Variants in H3-3B observed in about 807,000 individuals in gnomAD.
The protein encoded by H3-3B is histone H3.3.
A neutral mutation model predicts 13.1 loss-of-function variants in H3-3B; 2 were observed. The observed-to-expected ratio is 0.15, with a 90% CI of 0.06 to 0.48. The LOEUF (loss-of-function observed/expected upper bound fraction) is 0.48, where lower values mean the gene tolerates loss of function less well. Among genes scored for constraint, H3-3B ranks in the 20% least tolerant of loss-of-function variants. H3-3B has a pLI of 0.97. For missense variants in H3-3B, 39 were observed against 186.0 expected, an observed-to-expected ratio of 0.21 and a Z score of 4.60; for synonymous variants, 133 against 75.8, an observed-to-expected ratio of 1.76 and a Z score of -3.92.
Position 75,778,590 on chromosome 17 carries a change from T to C in H3-3B, c.*5A>G, listed in dbSNP as rs755819816. The C allele has an allele frequency of 4.4e-6, 7 of 1,607,922 alleles. No homozygotes were observed. The highest frequency in any genetic ancestry group is 5.9e-6 in the Non-Finnish European group (7 of 1,177,684). On this transcript the variant is annotated 3_prime_UTR_variant, in exon 4 of 4. Coordinates refer to ENST00000254810, the MANE Select transcript of H3-3B (RefSeq NM_005324.5). Reference sequence around the variant, plus strand: ...ACTACAAAACGCCATAAAAACTGCCTTCACTTAAGCTCTCTCTCCCCGTAT... The same window carrying C: ...ACTACAAAACGCCATAAAAACTGCCCTCACTTAAGCTCTCTCTCCCCGTAT...
chr17:75,779,297 C>CCCCA, intron 1 of H3-3B, 113 bp from the exon 2 acceptor site: 1 of 1,185,472 alleles, frequency 8.4e-7, no homozygotes, highest in Non-Finnish European at 1.1e-6. Flanking sequence ...CCTCCCCGCG[C>CCCCA]CCCACCTCGC....
In H3-3B at chr17:75,777,293, CAG is replaced by C. The variant is rs2061642974; in HGVS notation, c.*1300_*1301del. ...GCACTATTATGGCATCTTAATCAAG[CAG>C]AGAGCTGTTCACATGCTTTCTACAG... On this transcript the variant is annotated 3_prime_UTR_variant, in exon 4 of 4. Coordinates refer to ENST00000254810, the MANE Select transcript of H3-3B (RefSeq NM_005324.5). 6.6e-6 allele frequency: 1 copy of C among 152,316 alleles called. No individual in the cohort carries two copies. The allele number at this position is 152,316 out of a possible 1,614,324, so 9.4% of individuals were successfully genotyped here.
At position 75,778,960 on chromosome 17, in the gene H3-3B, G is replaced by A. The variant is rs765294615; in HGVS notation, c.132C>T (p.Pro44=). The change falls in exon 3 of 4, where the codon CCC becomes CCT. Residue 44 remains proline (P), a synonymous_variant. Transcript: ENST00000254810. The part of the protein sequence containing the change: ...GGVKKPHRYR[P]GTVALREIRR... The stretch of plus-strand genomic sequence containing the variant: ...GAATCTCTCGAAGCGCCACGGTCCC[G>A]GGCCTGCAGCGAGCAGGGGAGGAGT... The A allele has an allele frequency of 2.5e-6, 4 of 1,614,088 alleles. No homozygotes were observed. Among genetic ancestry groups the A allele is most frequent in the Non-Finnish European group, 3.4e-6 (4 of 1,180,044 alleles).
chr17:75,778,556 A>G lies in H3-3B; in HGVS notation c.*39T>C. The G allele has an allele frequency of 1.3e-6, 2 of 1,586,692 alleles. No individual in the cohort carries two copies. Among genetic ancestry groups the G allele is most frequent in the Non-Finnish European group, 1.7e-6 (2 of 1,167,270 alleles). On this transcript the variant is annotated 3_prime_UTR_variant, in exon 4 of 4. Coordinates refer to ENST00000254810, the MANE Select transcript of H3-3B (RefSeq NM_005324.5). ...GTCACAAATTAAACCAAAGTATTTTACAGAATTTACTACAAAACGCCATAA... is the reference window on the plus strand; with the variant it reads ...GTCACAAATTAAACCAAAGTATTTTGCAGAATTTACTACAAAACGCCATAA...
rs1329820294 is a variant in H3-3B, at chr17:75,776,998, C to G, written c.*1597G>C. On this transcript the variant is annotated 3_prime_UTR_variant, in exon 4 of 4. Transcript: ENST00000254810. ...CCAAAATATCACATTTGAAACTAAC[C>G]CAAACTTTTGAGAAAGCAATTTTAA... 6.6e-6 allele frequency: 1 copy of G among 152,160 alleles called. No individual in the cohort carries two copies. The highest frequency in any genetic ancestry group is 1.5e-5 in the Non-Finnish European group (1 of 68,038). The allele number at this position is 152,160 out of a possible 1,614,324, so 9.4% of individuals were successfully genotyped here. A position where few individuals can be genotyped will look rare whatever the true frequency, so the allele number is the denominator to read the frequency against.
At position 75,777,696 on chromosome 17, in the gene H3-3B, G is replaced by C. The variant is rs535889922; in HGVS notation, c.*899C>G. 63 of 152,464 alleles carry C rather than the reference G, an allele frequency of 4.1e-4. No homozygotes were observed. Among genetic ancestry groups the C allele is most frequent in the African/African-American group, 1.4e-3 (58 of 41,534 alleles). 9.4% of individuals were successfully genotyped at this position (152,464 alleles called of 1,614,324 possible). On this transcript the variant is annotated 3_prime_UTR_variant, in exon 4 of 4. Transcript: ENST00000254810. ...CAAATGCCACAAGAAAAAGAACTTC[G>C]GTACTGTTTCCTCAGCAGAGGAGAA...
At chr17:75,779,231 G>A (rs2061654013) in intron 1 of H3-3B, 47 bp from the exon 2 acceptor site, 26 of 1,425,970 alleles carry the variant, frequency 1.8e-5, no homozygotes, top group Non-Finnish European at 2.1e-5. Flanking sequence ...CACCCGGGCC[G>A]CCCCCCAGGG....
Position 75,777,561 on chromosome 17 carries a change from A to G in H3-3B, c.*1034T>C, listed in dbSNP as rs540684838. 17 of 152,574 alleles carry G rather than the reference A, an allele frequency of 1.1e-4. No individual in the cohort carries two copies. Among genetic ancestry groups the G allele is most frequent in the Non-Finnish European group, 2.1e-4 (14 of 68,032 alleles). The allele number at this position is 152,574 out of a possible 1,614,324, so 9.5% of individuals were successfully genotyped here. A position where few individuals can be genotyped will look rare whatever the true frequency, so the allele number is the denominator to read the frequency against. On this transcript the variant is annotated 3_prime_UTR_variant, in exon 4 of 4. Transcript: ENST00000254810. ...TTGGAAGGCCATCTCTATAAAAATGATTTTCCCAGGACAGTAACCAGATGT... is the reference window on the plus strand; with the variant it reads ...TTGGAAGGCCATCTCTATAAAAATGGTTTTCCCAGGACAGTAACCAGATGT...
rs999357371 is a variant in H3-3B at position 75,776,539 on chromosome 17, C to T, written c.*2056G>A. 1 of 152,188 alleles carries T rather than the reference C, an allele frequency of 6.6e-6. No homozygotes were observed. Among genetic ancestry groups the T allele is most frequent in the South Asian group, 2.1e-4 (1 of 4,830 alleles). 9.4% of individuals were successfully genotyped at this position (152,188 alleles called of 1,614,324 possible). On this transcript the variant is annotated 3_prime_UTR_variant, in exon 4 of 4. Coordinates refer to ENST00000254810, the MANE Select transcript of H3-3B (RefSeq NM_005324.5). The stretch of plus-strand genomic sequence containing the variant: ...TTTGCCTCTGCTCCTTTACCCTTAC[C>T]GAGGGATATCCCATACAGGAAGCCG...
At position 75,778,365 on chromosome 17, in the gene H3-3B, G is replaced by A. The variant is rs1042837021; in HGVS notation, c.*230C>T. ...CAGAAACATGCATCATGAGAAGCAA[G>A]AAGTATCACCCATCCCTTCTGCATA... On this transcript the variant is annotated 3_prime_UTR_variant, in exon 4 of 4. Transcript: ENST00000254810. The A allele has an allele frequency of 6.1e-5, 34 of 556,304 alleles. No homozygotes were observed. Among genetic ancestry groups the A allele is most frequent in the Admixed American group, 2.7e-4 (8 of 29,350 alleles). The allele number at this position is 556,304 out of a possible 1,614,324, so 34.5% of individuals were successfully genotyped here.
rs1462790807 is a variant in H3-3B, at chr17:75,776,770, G to GA, written c.*1824_*1825insT. On this transcript the variant is annotated 3_prime_UTR_variant, in exon 4 of 4. Transcript: ENST00000254810. The stretch of plus-strand genomic sequence containing the variant: ...AGAAGCTAACTCATCACCGTAGCCA[G>GA]GTTTGTGTACTTTGTTTCCAGACAC... 2 of 152,236 alleles carry GA rather than the reference G, an allele frequency of 1.3e-5. No homozygotes were observed. The highest frequency in any genetic ancestry group is 2.9e-5 in the Non-Finnish European group (2 of 68,048). The allele number at this position is 152,236 out of a possible 1,614,324, so 9.4% of individuals were successfully genotyped here.
In H3-3B at chr17:75,779,742, C is replaced by A. The variant is rs564654197; in HGVS notation, c.-96G>T. The A allele has an allele frequency of 9.1e-5, 14 of 154,168 alleles. No homozygotes were observed. The highest frequency in any genetic ancestry group is 1.3e-4 in the Non-Finnish European group (9 of 68,114). 9.6% of individuals were successfully genotyped at this position (154,168 alleles called of 1,614,324 possible). ...GAGCCGCAGTCGACGAGCGAAAAAC[C>A]AGCACCGCCCAACGAACGACCAAAC... On this transcript the variant is annotated 5_prime_UTR_variant, in exon 1 of 4. Coordinates refer to ENST00000254810, the MANE Select transcript of H3-3B (RefSeq NM_005324.5).
intron 1 of H3-3B, 64 bp from the exon 2 acceptor site, chr17:75,779,248 G>C (rs879797338): frequency 1.4e-6 from 2 of 1,395,010 alleles, no homozygotes; most frequent in Non-Finnish European, 1.9e-6. Context: ...AGGGCTGCGG[G>C]GGGAGGAACA....
rs914327706 is a variant in H3-3B at position 75,777,852 on chromosome 17, CCA to C, written c.*741_*742del. The C allele has an allele frequency of 6.6e-6, 1 of 152,560 alleles. No homozygotes were observed. The highest frequency in any genetic ancestry group is 6.5e-5 in the Admixed American group (1 of 15,272). The allele number at this position is 152,560 out of a possible 1,614,324, so 9.5% of individuals were successfully genotyped here. ...CTAGAGCCCTTATAAATAAAATCCCCCAGTTAGTGTTTGCATTATCAGCTAGA... is the reference window on the plus strand; with the variant it reads ...CTAGAGCCCTTATAAATAAAATCCCCGTTAGTGTTTGCATTATCAGCTAGA... On this transcript the variant is annotated 3_prime_UTR_variant, in exon 4 of 4. Transcript: ENST00000254810.
Position 75,778,117 on chromosome 17 carries a change from AC to A in H3-3B, c.*477del, listed in dbSNP as rs2061648038. The A allele has an allele frequency of 6.7e-6, 1 of 150,228 alleles. No individual in the cohort carries two copies. Among genetic ancestry groups the A allele is most frequent in the South Asian group, 2.0e-4 (1 of 5,042 alleles). 9.3% of individuals were successfully genotyped at this position (150,228 alleles called of 1,614,324 possible). On this transcript the variant is annotated 3_prime_UTR_variant, in exon 4 of 4. Transcript: ENST00000254810. Reference sequence around the variant, plus strand: ...AGTGTATTCTATAGCTGCCAGGTTTACTTTTTTTTTTTTTAAAGGAAACTGT... The same window carrying A: ...AGTGTATTCTATAGCTGCCAGGTTTATTTTTTTTTTTTTAAAGGAAACTGT...
Position 75,778,533 on chromosome 17 carries a change from C to T in H3-3B, c.*62G>A, listed in dbSNP as rs2061650295. ...ATAAACAATTTCTTACAAAAAAAGTCACAAATTAAACCAAAGTATTTTACA... is the reference window on the plus strand; with the variant it reads ...ATAAACAATTTCTTACAAAAAAAGTTACAAATTAAACCAAAGTATTTTACA... On this transcript the variant is annotated 3_prime_UTR_variant, in exon 4 of 4. Coordinates refer to ENST00000254810, the MANE Select transcript of H3-3B (RefSeq NM_005324.5). 5 of 1,558,040 alleles carry T rather than the reference C, an allele frequency of 3.2e-6. No homozygotes were observed. Among genetic ancestry groups the T allele is most frequent in the Non-Finnish European group, 4.3e-6 (5 of 1,152,232 alleles).
rs947105409 is a variant in H3-3B at position 75,777,852 on chromosome 17, CCAGT to C, written c.*739_*742del. ...CTAGAGCCCTTATAAATAAAATCCC[CCAGT>C]TAGTGTTTGCATTATCAGCTAGAGG... On this transcript the variant is annotated 3_prime_UTR_variant, in exon 4 of 4. Coordinates refer to ENST00000254810, the MANE Select transcript of H3-3B (RefSeq NM_005324.5). The C allele has an allele frequency of 2.0e-5, 3 of 152,560 alleles. No individual in the cohort carries two copies. The highest frequency in any genetic ancestry group is 4.4e-5 in the Non-Finnish European group (3 of 68,034). The allele number at this position is 152,560 out of a possible 1,614,324, so 9.5% of individuals were successfully genotyped here.
At position 75,778,978 on chromosome 17, in the gene H3-3B, G is replaced by A. The variant is rs752295905; in HGVS notation, c.129-15C>T. On this transcript the variant is annotated splice_polypyrimidine_tract_variant and intron_variant, in intron 2 of 3. Transcript: ENST00000254810. Reference sequence around the variant, plus strand: ...CGGTCCCGGGCCTGCAGCGAGCAGGGGAGGAGTGAGCGGACGCTGCCGCAC... The same window carrying A: ...CGGTCCCGGGCCTGCAGCGAGCAGGAGAGGAGTGAGCGGACGCTGCCGCAC... 1.7e-5 allele frequency: 28 copies of A among 1,613,874 alleles called. No homozygotes were observed. The highest frequency in any genetic ancestry group is 2.7e-5 in the African/African-American group (2 of 74,934).
At chr17:75,779,222 A>C in intron 1 of H3-3B, 38 bp from the exon 2 acceptor site, 1 of 1,443,836 alleles carries the variant, frequency 6.9e-7, no homozygotes, top group Non-Finnish European at 9.1e-7. Context: ...CGCCGCGCTC[A>C]CCCGGGCCGC....
Sources: allele counts gnomAD v4.1 joint callset, GRCh38; gene constraint gnomAD v4.1.1; transcripts MANE v1.5; gene names NCBI Gene and HGNC (gene_info 2026-07-23, HGNC 2026-07-21).